The following AUTS2 variants were observed in gnomAD, a reference collection of about 807,000 sequenced individuals.
The protein encoded by AUTS2 is activator of transcription and developmental regulator AUTS2, also known as autism susceptibility gene 2 protein.
AUTS2 carries 17 observed loss-of-function variants against 112.4 expected under a neutral mutation model. The ratio of observed to expected loss-of-function variants is 0.15; its 90% confidence interval spans 0.10 to 0.23. The LOEUF is 0.23. Ranked by LOEUF, AUTS2 falls within the 10% of genes least tolerant of loss-of-function variation. The pLI, the probability that AUTS2 is intolerant of heterozygous loss-of-function variation, is 1.00. For missense variants in AUTS2, 1,510 were observed against 1,701.6 expected, an observed-to-expected ratio of 0.89 and a Z score of 1.98; for synonymous variants, 751 against 702.7, an observed-to-expected ratio of 1.07 and a Z score of -1.09.
At chr7:70,521,177 C>A (rs1351375297) in intron 5 of AUTS2, among the ~76,000 whole-genome samples, 1 of 152,168 alleles carries the variant, frequency 6.6e-6, no homozygotes, top group Non-Finnish European at 1.5e-5. Context: ...AGACCCCAGG[C>A]TGTGTGTACT....
intron 4 of AUTS2, among the ~76,000 whole-genome samples, chr7:70,260,939 A>G (rs1223094867): frequency 2.6e-5 from 4 of 151,898 alleles, no homozygotes; most frequent in Non-Finnish European, 4.4e-5. Context: ...TAGTAGAGAC[A>G]GGTTTCACCA....
intron 4 of AUTS2, among the ~76,000 whole-genome samples, chr7:70,306,065 A>G (rs1418924753): frequency 1.3e-5 from 2 of 152,186 alleles, no homozygotes; most frequent in African/African-American, 4.8e-5. Context: ...TTAATGTTTT[A>G]TTTGGGAATC....
At chr7:70,593,861 A>G (rs1302745218) in intron 5 of AUTS2, among the ~76,000 whole-genome samples, 1 of 152,176 alleles carries the variant, frequency 6.6e-6, no homozygotes, top group Non-Finnish European at 1.5e-5. Flanking sequence ...CCCCAGAATG[A>G]TTCTATAGAG....
intron 5 of AUTS2, among the ~76,000 whole-genome samples, chr7:70,642,809 G>T (rs544213977): frequency 6.6e-6 from 1 of 151,716 alleles, no homozygotes; most frequent in Non-Finnish European, 1.5e-5. Flanking sequence ...TCCCCTTCTC[G>T]TGCATCTTCC....
At chr7:70,459,915 C>G (rs1025048040) in intron 5 of AUTS2, among the ~76,000 whole-genome samples, 2 of 152,168 alleles carry the variant, frequency 1.3e-5, no homozygotes, top group African/African-American at 4.8e-5. Flanking sequence ...AGTGTGCCCT[C>G]ATGACTATGA....
At chr7:69,741,720 T>A (rs1441946437) in intron 1 of AUTS2, among the ~76,000 whole-genome samples, 2 of 149,820 alleles carry the variant, frequency 1.3e-5, no homozygotes, top group East Asian at 3.9e-4. Flanking sequence ...AAAAAAAAAA[T>A]CCATAGCCTA....
In AUTS2 at chr7:70,713,147, C is replaced by A. The variant is rs376345956; in HGVS notation, c.742+14527C>A. Among the ~76,000 whole-genome samples, 111 of 152,312 alleles carry A rather than the reference C, an allele frequency of 7.3e-4. 5 individuals carry two copies. In the South Asian group the frequency reaches 0.022, roughly 30 times the overall value. On this transcript the variant is annotated intron_variant, in intron 6 of 18. Coordinates refer to ENST00000342771, the MANE Select transcript of AUTS2 (RefSeq NM_015570.4). ...CCAGCTGAGCTAACTTGCTCAACCG[C>A]TTCTGAAAGACAAACTGTTCCATCG...
intron 2 of AUTS2, among the ~76,000 whole-genome samples, chr7:69,962,741 G>T (rs936655010): frequency 1.3e-5 from 2 of 151,872 alleles, no homozygotes; most frequent in African/African-American, 4.8e-5. Flanking sequence ...TGCACAGCTC[G>T]TGCATAAATG....
rs1791930218 is a variant in AUTS2 at position 70,791,188 on chromosome 7, C to A, written c.*192C>A. ...TATTATATGTTGAGATTTTTCAGATCTTTTAGCCCAGTCATATGTTCTCAC... is the reference window on the plus strand; with the variant it reads ...TATTATATGTTGAGATTTTTCAGATATTTTAGCCCAGTCATATGTTCTCAC... On this transcript the variant is annotated 3_prime_UTR_variant, in exon 19 of 19. Transcript: ENST00000342771. 3.7e-6 allele frequency: 2 copies of A among 537,390 alleles called. No homozygotes were observed. The highest frequency in any genetic ancestry group is 5.7e-6 in the Non-Finnish European group (2 of 353,556). The allele number at this position is 537,390 out of a possible 1,614,324, so 33.3% of individuals were successfully genotyped here. A position where few individuals can be genotyped will look rare whatever the true frequency, so the allele number is the denominator to read the frequency against.
chr7:70,503,972 G>C lies in AUTS2; in HGVS notation c.690+68191G>C, dbSNP rs189963212. 3.8e-4 allele frequency among the ~76,000 whole-genome samples: 57 copies of C among 151,682 alleles called. 1 individual carries two copies. The highest frequency in any genetic ancestry group is 6.8e-3 in the Middle Eastern group (2 of 294). The stretch of plus-strand genomic sequence containing the variant: ...GCTCAAGATTTGAGGTTGCTTGTTA[G>C]TTGAACTACTTGGCAATGAATTTGT... On this transcript the variant is annotated intron_variant, in intron 5 of 18. Coordinates refer to ENST00000342771, the MANE Select transcript of AUTS2 (RefSeq NM_015570.4).
chr7:70,019,028 T>C (rs1295702872), intron 2 of AUTS2, among the ~76,000 whole-genome samples: 1 of 152,150 alleles, frequency 6.6e-6, no homozygotes, highest in Non-Finnish European at 1.5e-5. Flanking sequence ...CCATCAATGG[T>C]AGACTGGATA....
intron 5 of AUTS2, among the ~76,000 whole-genome samples, chr7:70,444,827 C>T (rs924819711): frequency 2.0e-5 from 3 of 152,080 alleles, no homozygotes; most frequent in African/African-American, 7.2e-5. Context: ...AAGGAAAGAC[C>T]AGTAAGCCCT....
At chr7:69,902,993 T>C (rs1027753544) in intron 2 of AUTS2, among the ~76,000 whole-genome samples, 4 of 152,346 alleles carry the variant, frequency 2.6e-5, no homozygotes, top group Admixed American at 2.0e-4. Context: ...AATTACCTCT[T>C]ATACAACTCT....
At chr7:69,614,368 T>TTTCTTTCTTTCTTTCTTTTCTTTC in intron 1 of AUTS2, among the ~76,000 whole-genome samples, 17 of 19,486 alleles carry the variant, frequency 8.7e-4, no homozygotes, top group Middle Eastern at 0.028. Context: ...TTCTTTCTTT[T>TTTCTTTCTTTCTTTCTTTTCTTTC]TTTAAGAGAT....
chr7:69,847,315 G>A (rs2129529315), intron 1 of AUTS2, among the ~76,000 whole-genome samples: 1 of 152,324 alleles, frequency 6.6e-6, no homozygotes, highest in Middle Eastern at 3.4e-3. Flanking sequence ...AAAAGACCTA[G>A]CATTCTGCCT....
At chr7:69,766,553 A>G (rs1312747510) in intron 1 of AUTS2, among the ~76,000 whole-genome samples, 1 of 152,164 alleles carries the variant, frequency 6.6e-6, no homozygotes, top group Non-Finnish European at 1.5e-5. Flanking sequence ...TAGATTTTTA[A>G]GAAGTACATT....
At chr7:70,496,456 C>T (rs1798512518) in intron 5 of AUTS2, among the ~76,000 whole-genome samples, 3 of 136,556 alleles carry the variant, frequency 2.2e-5, no homozygotes, top group Admixed American at 1.5e-4. Context: ...ACACACACCA[C>T]GTACACAGTC....
intron 2 of AUTS2, among the ~76,000 whole-genome samples, chr7:70,107,423 A>T (rs935168487): frequency 4.2e-5 from 6 of 144,250 alleles, no homozygotes; most frequent in African/African-American, 1.6e-4. Context: ...GGTTCACTGC[A>T]ACCTCCGTCT....
chr7:69,981,467 T>C (rs1231114267), intron 2 of AUTS2, among the ~76,000 whole-genome samples: 4 of 152,248 alleles, frequency 2.6e-5, no homozygotes, highest in Non-Finnish European at 4.4e-5. Context: ...ATTCAATATT[T>C]CAAATTAATT....
Sources: allele counts gnomAD v4.1 joint callset (sites outside exome capture counted in the v4.1 genomes callset), GRCh38; gene constraint gnomAD v4.1.1; transcripts MANE v1.5; gene names NCBI Gene and HGNC (gene_info 2026-07-23, HGNC 2026-07-21).